Variants in SLC35F1 observed in about 807,000 individuals in gnomAD.
SLC35F1 encodes chromosome 6 open reading frame 169.
SLC35F1 carries 14 observed loss-of-function variants against 48.7 expected under a neutral mutation model. The ratio of observed to expected loss-of-function variants is 0.29; its 90% CI spans 0.19 to 0.45. The LOEUF (loss-of-function observed/expected upper bound fraction) is 0.45. Among genes scored for constraint, SLC35F1 ranks in the 20% least tolerant of loss-of-function variants. The pLI is 1.00. For synonymous variants in SLC35F1, 190 were observed against 202.2 expected, an observed-to-expected ratio of 0.94 and a Z score of 0.51; for missense variants, 404 against 500.0, an observed-to-expected ratio of 0.81 and a Z score of 1.83.
chr6:118,127,270 A>T (rs1161705341), intron 1 of SLC35F1, among the ~76,000 whole-genome samples: 9 of 152,142 alleles, frequency 5.9e-5, no homozygotes, highest in East Asian at 1.9e-4. Flanking sequence ...TCTGTTTATA[A>T]GCTGGATTAC....
At chr6:118,053,794 G>A (rs957883217) in intron 1 of SLC35F1, among the ~76,000 whole-genome samples, 3 of 151,898 alleles carry the variant, frequency 2.0e-5, no homozygotes, top group African/African-American at 4.8e-5. Flanking sequence ...ATCTTAATGT[G>A]CATATTATTT....
chr6:118,070,939 T>TATAC (rs1222086982), intron 1 of SLC35F1, among the ~76,000 whole-genome samples: 22 of 16,032 alleles, frequency 1.4e-3, no homozygotes, highest in African/African-American at 3.7e-3. Context: ...ATACTATATA[T>TATAC]ACATAGTATA....
chr6:118,290,063 A>C (rs1028315087), intron 7 of SLC35F1, among the ~76,000 whole-genome samples: 32 of 152,214 alleles, frequency 2.1e-4, no homozygotes, highest in African/African-American at 7.7e-4. Flanking sequence ...GTGAGAATCA[A>C]AAATTTCTCC....
At chr6:118,223,675 C>T (rs189112606) in intron 2 of SLC35F1, among the ~76,000 whole-genome samples, 21 of 152,284 alleles carry the variant, frequency 1.4e-4, no homozygotes, top group East Asian at 1.2e-3. Flanking sequence ...GGAGAGCAGA[C>T]GGGGAGAAGA....
intron 2 of SLC35F1, 100 bp downstream of exon 2, chr6:118,154,720 A>G: frequency 3.4e-6 from 4 of 1,178,106 alleles, no homozygotes; most frequent in Non-Finnish European, 4.7e-6. Flanking sequence ...ATCAGTTAAG[A>G]TCATTGAAAA....
chr6:118,152,079 A>G (rs2114464116), intron 1 of SLC35F1, among the ~76,000 whole-genome samples: 1 of 152,298 alleles, frequency 6.6e-6, no homozygotes. Context: ...AATGAGATAG[A>G]AGTAACAAAG....
intron 1 of SLC35F1, among the ~76,000 whole-genome samples, chr6:117,970,981 C>T (rs1040908377): frequency 6.6e-6 from 1 of 152,182 alleles, no homozygotes. Context: ...CATGCCTTCT[C>T]AATAGTCTCC....
chr6:118,058,012 G>A (rs368662660), intron 1 of SLC35F1, among the ~76,000 whole-genome samples: 9 of 152,186 alleles, frequency 5.9e-5, no homozygotes, highest in South Asian at 2.1e-4. Context: ...AAGCATCCAC[G>A]CACTTTCCTG....
intron 1 of SLC35F1, among the ~76,000 whole-genome samples, chr6:118,103,002 A>G (rs1773279897): frequency 6.6e-6 from 1 of 152,220 alleles, no homozygotes; most frequent in South Asian, 2.1e-4. Flanking sequence ...CATCTGTAAA[A>G]TTAGGGTAAC....
intron 1 of SLC35F1, among the ~76,000 whole-genome samples, chr6:117,994,800 G>A (rs1776963592): frequency 6.6e-6 from 1 of 152,110 alleles, no homozygotes; most frequent in Non-Finnish European, 1.5e-5. Flanking sequence ...TCCCCAAAAA[G>A]CTATGACAGA....
At chr6:118,032,556 G>GA (rs1200129983) in intron 1 of SLC35F1, among the ~76,000 whole-genome samples, 1 of 152,038 alleles carries the variant, frequency 6.6e-6, no homozygotes, top group Non-Finnish European at 1.5e-5. Flanking sequence ...CTTTGGAGTA[G>GA]AAAAAATAAT....
intron 7 of SLC35F1, among the ~76,000 whole-genome samples, chr6:118,303,792 G>A (rs1776281449): frequency 6.6e-6 from 1 of 152,098 alleles, no homozygotes; most frequent in South Asian, 2.1e-4. Context: ...TGCTTAAAAG[G>A]ACACCAATCC....
intron 2 of SLC35F1, among the ~76,000 whole-genome samples, chr6:118,209,339 T>A (rs1485811896): frequency 6.6e-6 from 1 of 152,228 alleles, no homozygotes; most frequent in African/African-American, 2.4e-5. Context: ...ACCCTTTTGA[T>A]GGGTGTGGAA....
At chr6:118,014,656 T>C (rs967476445) in intron 1 of SLC35F1, among the ~76,000 whole-genome samples, 2 of 152,036 alleles carry the variant, frequency 1.3e-5, no homozygotes, top group East Asian at 3.9e-4. Flanking sequence ...GGAGCAGAAG[T>C]TGGAGGTTAA....
rs1773817373 is a variant in SLC35F1 at position 118,137,713 on chromosome 6, A to G, written c.174-16732A>G. ...GGCTGGAAGCCCTGGTCCTTAGGAT[A>G]CACCTTTCCTAAATGGCCTACAACC... On this transcript the variant is annotated intron_variant, in intron 1 of 7. Transcript: ENST00000360388. Among the ~76,000 whole-genome samples, 2 of 152,128 alleles carry G rather than the reference A, an allele frequency of 1.3e-5. 1 individual carries two copies. The highest frequency in any genetic ancestry group is 1.3e-4 in the Admixed American group (2 of 15,278).
chr6:118,116,721 C>G (rs1773480797), intron 1 of SLC35F1, among the ~76,000 whole-genome samples: 1 of 152,086 alleles, frequency 6.6e-6, no homozygotes, highest in African/African-American at 2.4e-5. Context: ...TTCTTTGTGG[C>G]CAACTTCTCA....
chr6:117,923,831 A>G (rs1171846929), intron 1 of SLC35F1, among the ~76,000 whole-genome samples: 1 of 144,696 alleles, frequency 6.9e-6, no homozygotes, highest in Non-Finnish European at 1.5e-5. Context: ...ATATATACAT[A>G]TACACATTAC....
intron 1 of SLC35F1, among the ~76,000 whole-genome samples, chr6:117,988,106 C>T (rs1776870716): frequency 6.6e-6 from 1 of 152,158 alleles, no homozygotes; most frequent in African/African-American, 2.4e-5. Context: ...TCCTTGAGAA[C>T]TCCACAAAGC....
At chr6:118,135,023 A>G (rs1032143158) in intron 1 of SLC35F1, among the ~76,000 whole-genome samples, 1 of 152,232 alleles carries the variant, frequency 6.6e-6, no homozygotes, top group Non-Finnish European at 1.5e-5. Flanking sequence ...GGAAAAGGTC[A>G]AACAGAATTC....
Sources: allele counts gnomAD v4.1 joint callset (sites outside exome capture counted in the v4.1 genomes callset), GRCh38; gene constraint gnomAD v4.1.1; transcripts MANE v1.5; gene names NCBI Gene and HGNC (gene_info 2026-07-23, HGNC 2026-07-21).